THSD4: variants seen among roughly 807,000 people sequenced by gnomAD.
The protein encoded by THSD4 is thrombospondin type 1 domain containing 4.
A neutral mutation model predicts 119.0 loss-of-function variants in THSD4; 69 were observed. The observed-to-expected ratio is 0.58, with a 90% CI of 0.48 to 0.71. THSD4 has a LOEUF of 0.71. THSD4 is among the 30% of genes least tolerant of loss of function. The pLI is 0.00. For missense variants in THSD4, 1,393 were observed against 1,391.1 expected (o/e 1.00, Z -0.02); for synonymous variants, 524 against 540.4 (o/e 0.97, Z 0.42).
intron 8 of THSD4, among the ~76,000 whole-genome samples, chr15:71,711,310 A>G (rs751751990): frequency 5.7e-4 from 86 of 152,134 alleles, no homozygotes; most frequent in Middle Eastern, 3.4e-3. Context: ...GCCTCCACAC[A>G]TGCAGAGCTT....
intron 6 of THSD4, among the ~76,000 whole-genome samples, chr15:71,269,443 C>T (rs937473671): frequency 9.9e-5 from 15 of 152,118 alleles, no homozygotes; most frequent in African/African-American, 2.9e-4. Context: ...ATTAATGGAA[C>T]GTATCTCAGA....
intron 5 of THSD4, among the ~76,000 whole-genome samples, chr15:71,254,998 C>T (rs372015065): frequency 6.6e-6 from 1 of 152,332 alleles, no homozygotes; most frequent in East Asian, 1.9e-4. Flanking sequence ...GCCTCCCCAA[C>T]TGCGACTGTC....
At chr15:71,493,023 G>A (rs1035781697) in intron 7 of THSD4, among the ~76,000 whole-genome samples, 3 of 152,062 alleles carry the variant, frequency 2.0e-5, no homozygotes, top group Non-Finnish European at 1.5e-5. Flanking sequence ...ATTCAGGTAG[G>A]TTTCTTGGCT....
intron 6 of THSD4, among the ~76,000 whole-genome samples, chr15:71,362,059 T>C (rs770828242): frequency 1.3e-5 from 2 of 152,206 alleles, no homozygotes; most frequent in Non-Finnish European, 2.9e-5. Context: ...GGTAGATCAC[T>C]TGAGGTCAGG....
intron 6 of THSD4, among the ~76,000 whole-genome samples, chr15:71,343,590 C>G (rs901865351): frequency 6.6e-6 from 1 of 152,068 alleles, no homozygotes; most frequent in African/African-American, 2.4e-5. Context: ...AAGCCTCTGT[C>G]TTTGTCTTCA....
At chr15:71,628,773 A>G (rs1207226776) in intron 7 of THSD4, among the ~76,000 whole-genome samples, 1 of 152,208 alleles carries the variant, frequency 6.6e-6, no homozygotes, top group Non-Finnish European at 1.5e-5. Context: ...TCCCCAGGTG[A>G]GAAAACAGAA....
At chr15:71,368,071 A>G (rs2045990209) in intron 6 of THSD4, among the ~76,000 whole-genome samples, 1 of 152,190 alleles carries the variant, frequency 6.6e-6, no homozygotes, top group East Asian at 1.9e-4. Flanking sequence ...TTTTGGCTGC[A>G]TAAATGTCTT....
At chr15:71,757,557 A>AAATTTTTGTAG (rs1555449801) in intron 14 of THSD4, among the ~76,000 whole-genome samples, 1 of 150,584 alleles carries the variant, frequency 6.6e-6, no homozygotes, top group Non-Finnish European at 1.5e-5. Context: ...CAGCCTCCCA[A>AAATTTTTGTAG]AGCTCTGGTA....
chr15:71,484,510 C>G (rs1037125414), intron 7 of THSD4, among the ~76,000 whole-genome samples: 1 of 152,188 alleles, frequency 6.6e-6, no homozygotes, highest in Non-Finnish European at 1.5e-5. Context: ...AGGCAGAGCT[C>G]GAATCAGCTG....
At chr15:71,735,900 GTC>G (rs2053085232) in intron 10 of THSD4, among the ~76,000 whole-genome samples, 4 of 117,806 alleles carry the variant, frequency 3.4e-5, no homozygotes, top group South Asian at 5.7e-4. Flanking sequence ...GTCTCTCTCT[GTC>G]TCTCTTGCTC....
Position 71,482,343 on chromosome 15 carries a change from T to G in THSD4, c.1152+70520T>G, listed in dbSNP as rs1293163593. On this transcript the variant is annotated intron_variant, in intron 7 of 17. Coordinates refer to ENST00000261862, the MANE Select transcript of THSD4 (RefSeq NM_024817.3). ...TCTTGCTCTGTTGCCCAGGCTGGAGTGCAGTGGCACGATCTCGGCTCACTG... is the reference window on the plus strand; with the variant it reads ...TCTTGCTCTGTTGCCCAGGCTGGAGGGCAGTGGCACGATCTCGGCTCACTG... Among the ~76,000 whole-genome samples the G allele has an allele frequency of 2.0e-5, 3 of 149,136 alleles. No homozygotes were observed. The East Asian group carries it at 6.0e-4, about 30-fold the overall frequency.
chr15:71,133,521 A>G lies in THSD4; in HGVS notation c.-79-7928A>G, dbSNP rs114587879. Among the ~76,000 whole-genome samples, 454 of 152,336 alleles carry G rather than the reference A, an allele frequency of 3.0e-3. 4 individuals carry two copies. The highest frequency in any genetic ancestry group is 0.011 in the African/African-American group (445 of 41,570). Reference sequence around the variant, plus strand: ...GAGGGAGGAAAGACAAGCACAAATCATAATGATACGCTTTGACGATCCCTA... The same window carrying G: ...GAGGGAGGAAAGACAAGCACAAATCGTAATGATACGCTTTGACGATCCCTA... On this transcript the variant is annotated intron_variant, in intron 1 of 17. Coordinates refer to ENST00000261862, the MANE Select transcript of THSD4 (RefSeq NM_024817.3).
At chr15:71,570,954 T>C (rs547204998) in intron 7 of THSD4, among the ~76,000 whole-genome samples, 2 of 152,196 alleles carry the variant, frequency 1.3e-5, no homozygotes, top group Non-Finnish European at 2.9e-5. Context: ...GGTACAGACG[T>C]GGCTGCGCCT....
chr15:71,675,993 C>A (rs574109491), intron 8 of THSD4, among the ~76,000 whole-genome samples: 1 of 152,226 alleles, frequency 6.6e-6, no homozygotes, highest in East Asian at 1.9e-4. Context: ...TGATTACAAT[C>A]ATGCATCCCA....
At chr15:71,747,115 A>G in intron 13 of THSD4, 73 bp downstream of exon 13, 1 of 1,494,476 alleles carries the variant, frequency 6.7e-7, no homozygotes. Flanking sequence ...TCCCCCACCA[A>G]GACCTGAGAT....
At chr15:71,440,293 A>G (rs2047072416) in intron 7 of THSD4, among the ~76,000 whole-genome samples, 2 of 152,238 alleles carry the variant, frequency 1.3e-5, no homozygotes, top group Non-Finnish European at 2.9e-5. Flanking sequence ...TGTGAGAGCT[A>G]TGATGAACTT....
At chr15:71,297,735 A>C (rs528688824) in intron 6 of THSD4, among the ~76,000 whole-genome samples, 1 of 152,258 alleles carries the variant, frequency 6.6e-6, no homozygotes, top group African/African-American at 2.4e-5. Context: ...CAGCCTCTCA[A>C]GTAGCTGGGA....
chr15:71,733,411 AG>A (rs2053020037), intron 10 of THSD4: 1 of 152,194 alleles, frequency 6.6e-6, no homozygotes, highest in Non-Finnish European at 1.5e-5. Context: ...GGCAGGGGAG[AG>A]GACATGGGAA....
chr15:71,631,936 G>A (rs1313925098), intron 7 of THSD4, among the ~76,000 whole-genome samples: 1 of 152,172 alleles, frequency 6.6e-6, no homozygotes, highest in African/African-American at 2.4e-5. Flanking sequence ...GGGCTTTGGA[G>A]TCACTACAGT....
Sources: gnomAD v4.1 joint callset for allele counts (sites outside exome capture counted in the v4.1 genomes callset) on GRCh38, gnomAD v4.1.1 for gene constraint, MANE v1.5 for transcripts, NCBI Gene and HGNC (gene_info 2026-07-23, HGNC 2026-07-21) for gene names.